Variants in DIAPH3 observed in about 807,000 individuals in gnomAD.
DIAPH3 encodes protein diaphanous homolog 3.
In DIAPH3, 117 loss-of-function variants were observed where a neutral mutation model predicts 144.3. The observed-to-expected ratio is 0.81, with a 90% CI of 0.70 to 0.95. The LOEUF (loss-of-function observed/expected upper bound fraction) is 0.95. Ranked by LOEUF, DIAPH3 falls within the 40% of genes least tolerant of loss-of-function variation. The pLI, the probability that DIAPH3 is intolerant of heterozygous loss-of-function variation, is 0.00. For missense variants in DIAPH3, 1,421 were observed against 1,412.7 expected (o/e 1.01, Z -0.09); for synonymous variants, 519 against 488.9 (o/e 1.06, Z -0.81).
At chr13:59,943,312 C>A (rs1814505524) in intron 17 of DIAPH3, among the ~76,000 whole-genome samples, 1 of 152,184 alleles carries the variant, frequency 6.6e-6, no homozygotes, top group African/African-American at 2.4e-5. Context: ...AGGCACACAG[C>A]TACCTAGTGG....
At chr13:60,010,226 T>C (rs2140945841) in intron 8 of DIAPH3, among the ~76,000 whole-genome samples, 1 of 152,280 alleles carries the variant, frequency 6.6e-6, no homozygotes, top group East Asian at 1.9e-4. Context: ...TAGAACCATT[T>C]GTATATTTTC....
chr13:59,875,568 A>G (rs144365020), intron 21 of DIAPH3, among the ~76,000 whole-genome samples: 334 of 152,198 alleles, frequency 2.2e-3, no homozygotes, highest in African/African-American at 7.5e-3. Flanking sequence ...TTTGTTGTTT[A>G]TAACACTATT....
chr13:60,017,719 C>T (rs1421069538), intron 5 of DIAPH3, among the ~76,000 whole-genome samples: 1 of 152,154 alleles, frequency 6.6e-6, no homozygotes, highest in Non-Finnish European at 1.5e-5. Context: ...ATATTTTACT[C>T]ATCTCTTGCC....
At chr13:60,127,517 AAC>A (rs2059020575) in intron 2 of DIAPH3, among the ~76,000 whole-genome samples, 1 of 152,110 alleles carries the variant, frequency 6.6e-6, no homozygotes. Flanking sequence ...CACAAAAAAA[AAC>A]AATGCTGTAC....
chr13:60,150,637 G>C (rs1200282701), intron 1 of DIAPH3, among the ~76,000 whole-genome samples: 1 of 152,156 alleles, frequency 6.6e-6, no homozygotes, highest in African/African-American at 2.4e-5. Context: ...TTGTTATCTA[G>C]CAGCACTGAG....
chr13:59,878,879 A>G (rs2044807198), intron 21 of DIAPH3, among the ~76,000 whole-genome samples: 1 of 152,152 alleles, frequency 6.6e-6, no homozygotes, highest in Non-Finnish European at 1.5e-5. Context: ...GGCAATCCTA[A>G]GCAATATTCA....
chr13:59,836,745 A>T (rs1409505939), intron 23 of DIAPH3, among the ~76,000 whole-genome samples: 4 of 152,000 alleles, frequency 2.6e-5, no homozygotes, highest in Non-Finnish European at 5.9e-5. Flanking sequence ...ACAAATTTAA[A>T]AATACACATA....
At chr13:60,050,959 G>C (rs1474472768) in intron 4 of DIAPH3, among the ~76,000 whole-genome samples, 2 of 152,168 alleles carry the variant, frequency 1.3e-5, no homozygotes, top group Non-Finnish European at 2.9e-5. Flanking sequence ...CAGACAGGAG[G>C]CTGGTAGTTT....
intron 20 of DIAPH3, among the ~76,000 whole-genome samples, chr13:59,884,358 A>C (rs1247958567): frequency 6.6e-6 from 1 of 152,154 alleles, no homozygotes; most frequent in African/African-American, 2.4e-5. Context: ...TAATAATAGA[A>C]ATAAATGCAC....
intron 24 of DIAPH3, among the ~76,000 whole-genome samples, chr13:59,820,302 T>A (rs939337800): frequency 6.6e-6 from 1 of 151,950 alleles, no homozygotes; most frequent in Non-Finnish European, 1.5e-5. Context: ...ACAAGCTGCA[T>A]CACTTGGCAG....
At chr13:59,822,374 C>A (rs1364492541) in intron 24 of DIAPH3, among the ~76,000 whole-genome samples, 1 of 152,168 alleles carries the variant, frequency 6.6e-6, no homozygotes, top group African/African-American at 2.4e-5. Flanking sequence ...TGCTGCTAAA[C>A]ACATATTCAA....
At position 59,874,052 on chromosome 13, in the gene DIAPH3, A is replaced by G. The variant is rs568173825; in HGVS notation, c.2607+5177T>C. Among the ~76,000 whole-genome samples, 7 of 152,026 alleles carry G rather than the reference A, an allele frequency of 4.6e-5. No individual in the cohort carries two copies. In the East Asian group the frequency reaches 1.4e-3, roughly 29 times the overall value. ...GGTGTTGGTTAATTTTCATTTTTTC[A>G]TGTTTGCTTTTGGTTCCAGATCACC... is the stretch of plus-strand genomic sequence containing the variant. On this transcript the variant is annotated intron_variant, in intron 21 of 27. Transcript: ENST00000400324.
intron 9 of DIAPH3, among the ~76,000 whole-genome samples, chr13:60,005,640 C>T (rs904068626): frequency 6.6e-6 from 1 of 152,010 alleles, no homozygotes; most frequent in African/African-American, 2.4e-5. Flanking sequence ...ACCACCATGC[C>T]CGGCTAATTT....
At position 60,093,693 on chromosome 13, in the gene DIAPH3, G is replaced by T. The variant is rs754956464; in HGVS notation, c.430C>A (p.Arg144=). The part of the protein sequence containing the change: ...NLNEDKKAPL[R]EKDFSIKKEM... ...TTTTTGATACTGAAGTCCTTTTCCC[G>T]CAATGGTGCCTTTTTATCTTCATTT... Residue 144 remains arginine, a synonymous_variant, in exon 4 of 28, where the codon CGG becomes AGG. Transcript: ENST00000400324. The T allele has an allele frequency of 1.9e-6, 3 of 1,612,402 alleles. No individual in the cohort carries two copies. The highest frequency in any genetic ancestry group is 2.5e-6 in the Non-Finnish European group (3 of 1,179,380).
At chr13:59,907,316 A>G (rs1251742482) in intron 20 of DIAPH3, among the ~76,000 whole-genome samples, 1 of 152,182 alleles carries the variant, frequency 6.6e-6, no homozygotes, top group Non-Finnish European at 1.5e-5. Flanking sequence ...CAGCATGTAA[A>G]TGGCCTTATT....
At position 60,152,603 on chromosome 13, in the gene DIAPH3, TAGA is replaced by T. The variant is rs1311770670; in HGVS notation, c.180+10981_180+10983del. 5.3e-5 allele frequency among the ~76,000 whole-genome samples: 8 copies of T among 150,964 alleles called. No individual in the cohort carries two copies. In the East Asian group the frequency reaches 1.4e-3, roughly 25 times the overall value. ...AACCCAGGAAATGAAGAGTAAAGAT[TAGA>T]AGGAGATAAAGATAAGAAGGGAGAA... On this transcript the variant is annotated intron_variant, in intron 1 of 27. Coordinates refer to ENST00000400324, the MANE Select transcript of DIAPH3 (RefSeq NM_001042517.2).
intron 25 of DIAPH3, among the ~76,000 whole-genome samples, chr13:59,787,987 T>C (rs2039124344): frequency 6.6e-6 from 1 of 152,212 alleles, no homozygotes; most frequent in Non-Finnish European, 1.5e-5. Flanking sequence ...TGATTTTGGA[T>C]TTTCCAGCCT....
intron 21 of DIAPH3, among the ~76,000 whole-genome samples, chr13:59,872,896 A>C (rs1328854597): frequency 6.6e-6 from 1 of 152,206 alleles, no homozygotes; most frequent in Non-Finnish European, 1.5e-5. Flanking sequence ...CAAGCAGCCT[A>C]TTTGCTGAGC....
intron 9 of DIAPH3, among the ~76,000 whole-genome samples, chr13:60,004,677 A>C (rs1456077204): frequency 4.6e-5 from 7 of 152,174 alleles, no homozygotes; most frequent in African/African-American, 1.7e-4. Flanking sequence ...GAAAGAAATA[A>C]ATTTGAATGA....
Sources: gnomAD v4.1 joint callset for allele counts (sites outside exome capture counted in the v4.1 genomes callset) on GRCh38, gnomAD v4.1.1 for gene constraint, MANE v1.5 for transcripts, NCBI Gene and HGNC (gene_info 2026-07-23, HGNC 2026-07-21) for gene names.